CDH12: variants seen among roughly 807,000 people sequenced by gnomAD.
CDH12 encodes cadherin 12, also known as cadherin-12.
CDH12 carries 41 observed loss-of-function variants against 74.1 expected under a neutral mutation model. That is an observed-to-expected ratio of 0.55 (90% CI 0.43 to 0.72). The LOEUF is 0.72. Ranked by LOEUF, CDH12 falls within the 30% of genes least tolerant of loss-of-function variation. The pLI is 0.00. For synonymous variants in CDH12, 399 were observed against 355.0 expected (o/e 1.12, Z -1.39); for missense variants, 945 against 977.2 (o/e 0.97, Z 0.44).
Position 22,681,230 on chromosome 5 carries a change from T to G in CDH12, c.-523+171828A>C, listed in dbSNP as rs866342337. ...CATTAAGCTCCTGGGTATTGGGGGG[T>G]GTGTGTGTGTGTGTGTGTGTGTGTG... On this transcript the variant is annotated intron_variant, in intron 1 of 14. Transcript: ENST00000382254. Among the ~76,000 whole-genome samples the G allele has an allele frequency of 3.4e-3, 463 of 135,618 alleles. 1 individual carries two copies. The highest frequency in any genetic ancestry group is 4.8e-3 in the African/African-American group (168 of 34,946). The allele number at this position is 135,618 out of a possible 152,430, so 89.0% of individuals were successfully genotyped here. A position where few individuals can be genotyped will look rare whatever the true frequency, so the allele number is the denominator to read the frequency against.
At chr5:22,505,169 AT>A (rs777084928) in intron 2 of CDH12, 100 bp downstream of exon 2, 14 of 200,706 alleles carry the variant, frequency 7.0e-5, no homozygotes, top group Non-Finnish European at 1.2e-4. Flanking sequence ...TTGATTTCTA[AT>A]AAATTTTTTT....
intron 4 of CDH12, among the ~76,000 whole-genome samples, chr5:22,127,584 T>C (rs1238347729): frequency 1.3e-5 from 2 of 151,976 alleles, no homozygotes; most frequent in African/African-American, 4.8e-5. Context: ...ATTTGAACCA[T>C]AGAACATTAA....
chr5:22,501,567 T>C (rs537813112), intron 2 of CDH12, among the ~76,000 whole-genome samples: 63 of 152,280 alleles, frequency 4.1e-4, no homozygotes, highest in African/African-American at 1.5e-3. Flanking sequence ...ACAAGTCCAT[T>C]GTGAAATCCT....
chr5:22,390,517 TTGTACA>T (rs1237440589), intron 3 of CDH12, among the ~76,000 whole-genome samples: 2 of 152,042 alleles, frequency 1.3e-5, no homozygotes, highest in Non-Finnish European at 2.9e-5. Context: ...AAGGAAATCT[TTGTACA>T]TGTAATATTA....
intron 1 of CDH12, among the ~76,000 whole-genome samples, chr5:22,661,179 C>A (rs1255746488): frequency 6.6e-6 from 1 of 152,156 alleles, no homozygotes; most frequent in Non-Finnish European, 1.5e-5. Context: ...AATACTTGAT[C>A]ATTTCAGAGC....
intron 1 of CDH12, among the ~76,000 whole-genome samples, chr5:22,534,515 G>A (rs1404943937): frequency 6.6e-6 from 1 of 152,056 alleles, no homozygotes; most frequent in East Asian, 1.9e-4. Context: ...AGGTTGCTGC[G>A]AATGCCATTA....
intron 1 of CDH12, among the ~76,000 whole-genome samples, chr5:22,650,137 T>A (rs1482091920): frequency 2.0e-5 from 3 of 151,960 alleles, no homozygotes; most frequent in Non-Finnish European, 4.4e-5. Flanking sequence ...AGGATACATA[T>A]GCCTATATAA....
chr5:22,747,785 CA>C (rs1363687635), intron 1 of CDH12, among the ~76,000 whole-genome samples: 2 of 152,034 alleles, frequency 1.3e-5, no homozygotes, highest in African/African-American at 2.4e-5. Context: ...TTGGCCCTTG[CA>C]GCAAAATAGA....
intron 2 of CDH12, among the ~76,000 whole-genome samples, chr5:22,475,992 G>A (rs1218814239): frequency 1.3e-5 from 2 of 151,838 alleles, no homozygotes; most frequent in East Asian, 1.9e-4. Flanking sequence ...TAAATCCTCT[G>A]CTAGTATATT....
intron 4 of CDH12, among the ~76,000 whole-genome samples, chr5:22,124,072 A>G (rs1046747107): frequency 6.6e-6 from 1 of 151,704 alleles, no homozygotes; most frequent in Non-Finnish European, 1.5e-5. Context: ...GGATCAAGCA[A>G]TTCTCCTGCC....
intron 1 of CDH12, among the ~76,000 whole-genome samples, chr5:22,549,365 T>C (rs558284696): frequency 6.6e-6 from 1 of 152,202 alleles, no homozygotes; most frequent in East Asian, 1.9e-4. Context: ...TCTTTTCCTT[T>C]TTTTTTTCTT....
chr5:22,555,702 C>G (rs935221411), intron 1 of CDH12, among the ~76,000 whole-genome samples: 4 of 151,878 alleles, frequency 2.6e-5, no homozygotes, highest in Non-Finnish European at 5.9e-5. Flanking sequence ...TGCTTTAGAC[C>G]TATTTTTCAA....
rs1748873765 is a variant in CDH12, at chr5:22,169,219, C to G, written c.-187+43279G>C. Among the ~76,000 whole-genome samples, 4 of 151,360 alleles carry G rather than the reference C, an allele frequency of 2.6e-5. No homozygotes were observed. The South Asian group carries it at 8.3e-4, about 32-fold the overall frequency. On this transcript the variant is annotated intron_variant, in intron 4 of 14. Coordinates refer to ENST00000382254, the MANE Select transcript of CDH12 (RefSeq NM_004061.5). ...CTGTCTTTTTTTTTCACTTTATCCT[C>G]TTCTACTCATATTTATATATGCATA...
At chr5:22,483,746 A>ATATATATATATATATATATATAT (rs1746471535) in intron 2 of CDH12, among the ~76,000 whole-genome samples, 1 of 86,698 alleles carries the variant, frequency 1.2e-5, no homozygotes, top group Non-Finnish European at 2.3e-5. Context: ...TCTCTTTCAA[A>ATATATATATATATATATATATAT]ACTATATATA....
At chr5:22,823,035 A>G (rs541062170) in intron 1 of CDH12, among the ~76,000 whole-genome samples, 1 of 152,288 alleles carries the variant, frequency 6.6e-6, no homozygotes, top group East Asian at 1.9e-4. Context: ...CATATACACA[A>G]TGGAATACTA....
intron 3 of CDH12, among the ~76,000 whole-genome samples, chr5:22,292,261 A>G (rs1737419626): frequency 6.6e-6 from 1 of 151,674 alleles, no homozygotes. Flanking sequence ...AAGAAAATAT[A>G]GGGGGTAACC....
At chr5:22,388,612 C>A (rs1360752659) in intron 3 of CDH12, among the ~76,000 whole-genome samples, 1 of 152,034 alleles carries the variant, frequency 6.6e-6, no homozygotes, top group Non-Finnish European at 1.5e-5. Context: ...TTTGAAGCAT[C>A]TCAACAAAAT....
chr5:22,835,018 T>C (rs911429110), intron 1 of CDH12, among the ~76,000 whole-genome samples: 7 of 152,232 alleles, frequency 4.6e-5, no homozygotes, highest in African/African-American at 1.7e-4. Context: ...AATGTGCTCA[T>C]AAAATAAAAA....
At chr5:22,416,015 C>T (rs925720855) in intron 2 of CDH12, among the ~76,000 whole-genome samples, 21 of 148,046 alleles carry the variant, frequency 1.4e-4, no homozygotes, top group African/African-American at 4.7e-4. Context: ...AAACTGTTCC[C>T]TGTTTTAAAT....
Sources: gnomAD v4.1 joint callset for allele counts (sites outside exome capture counted in the v4.1 genomes callset) on GRCh38, gnomAD v4.1.1 for gene constraint, MANE v1.5 for transcripts, NCBI Gene and HGNC (gene_info 2026-07-23, HGNC 2026-07-21) for gene names.